Variants in MYO5A observed in about 807,000 individuals in gnomAD.
MYO5A encodes the protein myosin VA, also known as unconventional myosin-Va.
A neutral mutation model predicts 249.7 loss-of-function variants in MYO5A; 98 were observed. The observed-to-expected ratio is 0.39, with a 90% confidence interval of 0.33 to 0.46. The LOEUF is 0.46. MYO5A is among the 20% of genes least tolerant of loss of function. The pLI is 0.98. For missense variants in MYO5A, 1,696 were observed against 2,308.8 expected (o/e 0.73, Z 5.44); for synonymous variants, 778 against 810.6 (o/e 0.96, Z 0.68).
At position 52,351,256 on chromosome 15, in the gene MYO5A, T is replaced by A; in HGVS notation, c.3847A>T (p.Lys1283Ter). 1 of 1,613,888 alleles carries A rather than the reference T, an allele frequency of 6.2e-7. No individual in the cohort carries two copies. The highest frequency in any genetic ancestry group is 8.5e-7 in the Non-Finnish European group (1 of 1,179,824). Reference sequence around the variant, plus strand: ...TTTAATTGTGTGCTTGCGCTTACCTTGGGTTGGATGGCCTCTTTCTGGCTC... The same window carrying A: ...TTTAATTGTGTGCTTGCGCTTACCTAGGGTTGGATGGCCTCTTTCTGGCTC... Reference protein sequence around the residue: ...LVSQKEAIQPKDDKNTMTDST... With the variant: ...LVSQKEAIQP Residue 1283 changes from lysine to a stop codon, truncating the protein, a stop_gained and splice_region_variant, in exon 28 of 42, where the codon AAG (lysine) becomes TAG (stop). Transcript: ENST00000399233. LOFTEE classifies it high-confidence loss of function.
chr15:52,475,118 G>A (rs1818533982), intron 1 of MYO5A, among the ~76,000 whole-genome samples: 2 of 152,270 alleles, frequency 1.3e-5, no homozygotes, highest in South Asian at 4.2e-4. Flanking sequence ...AGTCTTGGGA[G>A]GGTGTATGTG....
intron 20 of MYO5A, among the ~76,000 whole-genome samples, chr15:52,373,114 A>C (rs560218314): frequency 1.1e-4 from 16 of 152,256 alleles, no homozygotes; most frequent in South Asian, 6.2e-4. Flanking sequence ...TGAAAGGTAA[A>C]AGTAAAAAGA....
intron 9 of MYO5A, among the ~76,000 whole-genome samples, chr15:52,399,999 C>T (rs1376207137): frequency 6.6e-6 from 1 of 152,168 alleles, no homozygotes; most frequent in Non-Finnish European, 1.5e-5. Flanking sequence ...TTTTTTATGA[C>T]TGGGTAGTAT....
intron 32 of MYO5A, among the ~76,000 whole-genome samples, chr15:52,338,583 A>G (rs897686995): frequency 6.6e-6 from 1 of 152,172 alleles, no homozygotes; most frequent in African/African-American, 2.4e-5. Context: ...CATTTCCTGT[A>G]CTTATGTTTG....
In MYO5A at chr15:52,452,604, C is replaced by G. The variant is rs187621835; in HGVS notation, c.28-19319G>C. On this transcript the variant is annotated intron_variant, in intron 1 of 41. Transcript: ENST00000399233. ...GTAGGAGGTATATTCCATAATTCCC[C>G]TGTGCCCAAATCCCTAGCCAGCCTT... is the stretch of plus-strand genomic sequence containing the variant. Among the ~76,000 whole-genome samples, 411 of 152,222 alleles carry G rather than the reference C, an allele frequency of 2.7e-3. 5 individuals carry two copies. The highest frequency in any genetic ancestry group is 9.5e-3 in the African/African-American group (394 of 41,530).
chr15:52,477,447 G>A (rs187580380), intron 1 of MYO5A, among the ~76,000 whole-genome samples: 22 of 152,336 alleles, frequency 1.4e-4, no homozygotes, highest in Non-Finnish European at 2.5e-4. Flanking sequence ...CTGGCAAGGA[G>A]CTGCGTTCCT....
chr15:52,401,316 C>A (rs769168582), intron 9 of MYO5A, among the ~76,000 whole-genome samples: 1 of 152,136 alleles, frequency 6.6e-6, no homozygotes, highest in African/African-American at 2.4e-5. Context: ...GTGATCCACC[C>A]GCCTCAGCCT....
chr15:52,334,031 T>C (rs1038102865), intron 34 of MYO5A, among the ~76,000 whole-genome samples: 3 of 152,252 alleles, frequency 2.0e-5, no homozygotes, highest in Non-Finnish European at 2.9e-5. Context: ...AGAACTATTA[T>C]AATGCCTTTT....
chr15:52,329,605 T>C (rs2038775870), intron 35 of MYO5A, among the ~76,000 whole-genome samples: 1 of 152,210 alleles, frequency 6.6e-6, no homozygotes, highest in South Asian at 2.1e-4. Context: ...GTTTCTTCCC[T>C]ATTATTACAC....
intron 24 of MYO5A, among the ~76,000 whole-genome samples, chr15:52,363,035 C>A (rs1273802921): frequency 6.6e-6 from 1 of 152,194 alleles, no homozygotes; most frequent in African/African-American, 2.4e-5. Context: ...CTAAGAATTT[C>A]TTTTCCAATC....
intron 31 of MYO5A, among the ~76,000 whole-genome samples, chr15:52,342,330 G>C (rs2039416781): frequency 6.6e-6 from 1 of 152,172 alleles, no homozygotes; most frequent in Non-Finnish European, 1.5e-5. Context: ...CTGCACTCAA[G>C]CCTGGGTGAC....
At chr15:52,377,534 T>C (rs1216319943) in intron 18 of MYO5A, among the ~76,000 whole-genome samples, 1 of 151,826 alleles carries the variant, frequency 6.6e-6, no homozygotes, top group Non-Finnish European at 1.5e-5. Context: ...CATCAAAGAA[T>C]GGAATTTATA....
At chr15:52,360,935 C>T (rs2040490074) in intron 24 of MYO5A, among the ~76,000 whole-genome samples, 1 of 152,134 alleles carries the variant, frequency 6.6e-6, no homozygotes, top group Non-Finnish European at 1.5e-5. Flanking sequence ...TTCACAAAGG[C>T]CTCTGAGAGC....
At position 52,428,435 on chromosome 15, in the gene MYO5A, G is replaced by A. The variant is rs899897180; in HGVS notation, c.273C>T (p.Val91=). 6.2e-7 allele frequency: 1 copy of A among 1,614,174 alleles called. No individual in the cohort carries two copies. Among genetic ancestry groups the A allele is most frequent in the Middle Eastern group, 1.6e-4 (1 of 6,062 alleles). Residue 91 remains valine, a synonymous_variant, in exon 3 of 42, where the codon GTC becomes GTT. Transcript: ENST00000399233. ...HEPAVLHNLR[V]RFIDSKLIYT... is the part of the protein sequence containing the mutation. ...AAATAAGTTTGGAATCAATAAAGCGGACTCTGAGATTATGGAGCACAGCAG... is the reference window on the plus strand; with the variant it reads ...AAATAAGTTTGGAATCAATAAAGCGAACTCTGAGATTATGGAGCACAGCAG...
At chr15:52,346,275 G>T in intron 30 of MYO5A, 86 bp downstream of exon 30, 1 of 811,446 alleles carries the variant, frequency 1.2e-6, no homozygotes, top group South Asian at 1.4e-5. Context: ...AGGAATGTAT[G>T]AACACTTTTA....
intron 1 of MYO5A, among the ~76,000 whole-genome samples, chr15:52,460,586 G>A (rs1049478171): frequency 1.3e-5 from 2 of 152,232 alleles, no homozygotes; most frequent in African/African-American, 4.8e-5. Flanking sequence ...AGTGAGCCCA[G>A]ATGGCGGCAG....
chr15:52,434,335 G>A (rs533219068), intron 1 of MYO5A, among the ~76,000 whole-genome samples: 6 of 152,110 alleles, frequency 3.9e-5, no homozygotes, highest in Non-Finnish European at 8.8e-5. Context: ...TGCATCCTGT[G>A]CTCTGCAAAG....
chr15:52,461,651 C>G (rs2076250488), intron 1 of MYO5A, among the ~76,000 whole-genome samples: 2 of 152,106 alleles, frequency 1.3e-5, no homozygotes, highest in African/African-American at 4.8e-5. Flanking sequence ...TAGACTTGTT[C>G]AGCAGAAACC....
At chr15:52,392,120 G>A (rs775295673) in intron 11 of MYO5A, 50 bp from the exon 12 acceptor site, 2 of 1,553,402 alleles carry the variant, frequency 1.3e-6, no homozygotes, top group South Asian at 2.2e-5. Flanking sequence ...TTGTAACAAA[G>A]AATGTAGTCA....
Sources: gnomAD v4.1 joint callset for allele counts (sites outside exome capture counted in the v4.1 genomes callset) on GRCh38, gnomAD v4.1.1 for gene constraint, MANE v1.5 for transcripts, NCBI Gene and HGNC (gene_info 2026-07-23, HGNC 2026-07-21) for gene names.